The following MAPKAP1 variants were observed in gnomAD, a reference collection of about 807,000 sequenced individuals.
MAPKAP1 encodes the protein MAPK associated protein 1, also known as target of rapamycin complex 2 subunit MAPKAP1.
A neutral mutation model predicts 65.7 loss-of-function variants in MAPKAP1; 20 were observed. The observed-to-expected ratio is 0.30, with a 90% CI of 0.21 to 0.44. The LOEUF (loss-of-function observed/expected upper bound fraction) is 0.44. Among genes scored for constraint, MAPKAP1 ranks in the 20% least tolerant of loss-of-function variants. The pLI is 1.00. For synonymous variants in MAPKAP1, 222 were observed against 244.3 expected, an observed-to-expected ratio of 0.91 and a Z score of 0.85; for missense variants, 423 against 648.0, an observed-to-expected ratio of 0.65 and a Z score of 3.77.
intron 4 of MAPKAP1, among the ~76,000 whole-genome samples, chr9:125,628,768 G>A (rs1833185147): frequency 6.6e-6 from 1 of 152,064 alleles, no homozygotes; most frequent in Non-Finnish European, 1.5e-5. Flanking sequence ...AAACAACAGA[G>A]TAAAAAGGCA....
chr9:125,453,984 A>C (rs1853061738), intron 10 of MAPKAP1, among the ~76,000 whole-genome samples: 1 of 152,186 alleles, frequency 6.6e-6, no homozygotes, highest in Admixed American at 6.5e-5. Context: ...TTTCAAGAAA[A>C]GGTCTGCCCA....
At chr9:125,490,542 A>C (rs1249084690) in intron 8 of MAPKAP1, among the ~76,000 whole-genome samples, 1 of 152,168 alleles carries the variant, frequency 6.6e-6, no homozygotes, top group Non-Finnish European at 1.5e-5. Context: ...TCTGTCTCAA[A>C]AAACAAAACA....
At chr9:125,614,137 A>C (rs1182460096) in intron 4 of MAPKAP1, among the ~76,000 whole-genome samples, 1 of 152,184 alleles carries the variant, frequency 6.6e-6, no homozygotes, top group Non-Finnish European at 1.5e-5. Context: ...AAGGTTAGAA[A>C]AACCTCCATA....
At position 125,524,773 on chromosome 9, in the gene MAPKAP1, C is replaced by G. The variant is rs553193629; in HGVS notation, c.958+18286G>C. Among the ~76,000 whole-genome samples, 4 of 152,368 alleles carry G rather than the reference C, an allele frequency of 2.6e-5. No homozygotes were observed. The South Asian group carries it at 6.2e-4, about 24-fold the overall frequency. On this transcript the variant is annotated intron_variant, in intron 7 of 11. Coordinates refer to ENST00000265960, the MANE Select transcript of MAPKAP1 (RefSeq NM_001006617.3). ...GTTCCTGTCTCCTTCAGCTGACTCC[C>G]AGGCCAATCAGCATTTCCTCTCTGC...
rs1012605396 is a variant in MAPKAP1, at chr9:125,556,485, C to T, written c.848+3148G>A. ...ATATTGCTCACCCTCAGGTTCCACG[C>T]CTCTAAATTGTTCATAAAAACTGGG... On this transcript the variant is annotated intron_variant, in intron 6 of 11. Coordinates refer to ENST00000265960, the MANE Select transcript of MAPKAP1 (RefSeq NM_001006617.3). Among the ~76,000 whole-genome samples the T allele has an allele frequency of 3.3e-5, 5 of 152,194 alleles. No individual in the cohort carries two copies. The South Asian group carries it at 6.2e-4, about 19-fold the overall frequency.
At chr9:125,695,955 C>T (rs938374014) in intron 1 of MAPKAP1, among the ~76,000 whole-genome samples, 2 of 152,028 alleles carry the variant, frequency 1.3e-5, no homozygotes, top group African/African-American at 4.8e-5. Context: ...CTTGAACTCC[C>T]AACCTCAGGT....
At chr9:125,602,447 A>T (rs1054516786) in intron 4 of MAPKAP1, among the ~76,000 whole-genome samples, 1 of 152,224 alleles carries the variant, frequency 6.6e-6, no homozygotes, top group African/African-American at 2.4e-5. Context: ...GAAAGCAGTA[A>T]GTGGCAGAAA....
rs1360674711 is a variant in MAPKAP1, at chr9:125,524,452, G to A, written c.959-18035C>T. On this transcript the variant is annotated intron_variant, in intron 7 of 11. Transcript: ENST00000265960. The stretch of plus-strand genomic sequence containing the variant: ...ACATTAATACAATTTTGCACATTTT[G>A]CCATGTTCAACTCTCAAGCTTCTTA... Among the ~76,000 whole-genome samples, 4 of 152,198 alleles carry A rather than the reference G, an allele frequency of 2.6e-5. No individual in the cohort carries two copies. The East Asian group carries it at 5.8e-4, about 22-fold the overall frequency.
chr9:125,467,938 G>C (rs1853740604), intron 10 of MAPKAP1, 34 bp downstream of exon 10: 1 of 1,609,106 alleles, frequency 6.2e-7, no homozygotes, highest in Non-Finnish European at 8.5e-7. Context: ...AGGGGAAAGA[G>C]AGAAAGGAGA....
chr9:125,473,249 A>C (rs1853988712), intron 9 of MAPKAP1, among the ~76,000 whole-genome samples: 1 of 152,094 alleles, frequency 6.6e-6, no homozygotes, highest in Non-Finnish European at 1.5e-5. Context: ...GCAGGTGGGG[A>C]AGAAAAGAGC....
intron 3 of MAPKAP1, among the ~76,000 whole-genome samples, chr9:125,660,038 C>A (rs1834140160): frequency 6.6e-6 from 1 of 152,104 alleles, no homozygotes; most frequent in African/African-American, 2.4e-5. Context: ...CCCAGGACTC[C>A]ACTCTATCTG....
rs753705623 is a variant in MAPKAP1 at position 125,479,307 on chromosome 9, C to T, written c.1207+5136G>A. On this transcript the variant is annotated intron_variant, in intron 9 of 11. Transcript: ENST00000265960. ...AGAAAAGTCTGGTGGAGGCCGGGCA[C>T]GGTGGCTCACGCCTGTAATCCCAGC... 7.2e-5 allele frequency among the ~76,000 whole-genome samples: 11 copies of T among 152,222 alleles called. 1 individual carries two copies. In the South Asian group the frequency reaches 1.0e-3, roughly 14 times the overall value.
intron 4 of MAPKAP1, among the ~76,000 whole-genome samples, chr9:125,641,434 T>A (rs909483347): frequency 2.0e-5 from 3 of 152,210 alleles, no homozygotes; most frequent in African/African-American, 7.2e-5. Context: ...TAATGACATT[T>A]CATTGTTTTA....
At chr9:125,599,350 G>GT (rs771753834) in intron 4 of MAPKAP1, among the ~76,000 whole-genome samples, 13 of 152,098 alleles carry the variant, frequency 8.5e-5, no homozygotes, top group Non-Finnish European at 1.8e-4. Flanking sequence ...GCTAAAATGT[G>GT]TTTATGTCCA....
intron 1 of MAPKAP1, among the ~76,000 whole-genome samples, chr9:125,679,431 C>T (rs1044588988): frequency 1.3e-5 from 2 of 152,170 alleles, no homozygotes; most frequent in Non-Finnish European, 2.9e-5. Flanking sequence ...CTTAGCTCCC[C>T]TCCACTAACA....
intron 5 of MAPKAP1, among the ~76,000 whole-genome samples, chr9:125,582,117 G>C (rs1831643803): frequency 6.6e-6 from 1 of 151,850 alleles, no homozygotes; most frequent in African/African-American, 2.4e-5. Context: ...ATTCTCTCTT[G>C]AATTGTGACC....
At chr9:125,441,226 A>G (rs1346077865) in intron 11 of MAPKAP1, among the ~76,000 whole-genome samples, 1 of 152,220 alleles carries the variant, frequency 6.6e-6, no homozygotes, top group Non-Finnish European at 1.5e-5. Context: ...CCTGATTTGA[A>G]GAGCCCGACA....
intron 5 of MAPKAP1, among the ~76,000 whole-genome samples, chr9:125,579,785 C>T (rs148551646): frequency 6.6e-6 from 1 of 152,288 alleles, no homozygotes; most frequent in African/African-American, 2.4e-5. Context: ...CCTCACATTA[C>T]ACTGCCCGAC....
intron 6 of MAPKAP1, among the ~76,000 whole-genome samples, chr9:125,550,361 C>T (rs541058569): frequency 2.0e-5 from 3 of 152,212 alleles, no homozygotes; most frequent in Non-Finnish European, 4.4e-5. Context: ...TAAACATGGC[C>T]AAAGGGGGAA....
Sources: gnomAD v4.1 joint callset for allele counts (sites outside exome capture counted in the v4.1 genomes callset) on GRCh38, gnomAD v4.1.1 for gene constraint, MANE v1.5 for transcripts, NCBI Gene and HGNC (gene_info 2026-07-23, HGNC 2026-07-21) for gene names.